The following ANO3 variants were observed in gnomAD, a reference collection of about 807,000 sequenced individuals.
ANO3 encodes anoctamin 3.
Under a neutral mutation model 144.8 loss-of-function variants are expected in ANO3, and 99 were observed. That is an observed-to-expected ratio of 0.68 (90% CI 0.58 to 0.81). ANO3 has a LOEUF of 0.81. ANO3 is among the 30% of genes least tolerant of loss of function. The probability of loss-of-function intolerance (pLI) is 0.00; values close to 1 mark genes in which losing one functional copy is unlikely to be tolerated. For synonymous variants in ANO3, 414 were observed against 392.6 expected, an observed-to-expected ratio of 1.05 and a Z score of -0.64; for missense variants, 905 against 1,202.2, an observed-to-expected ratio of 0.75 and a Z score of 3.66.
At chr11:26,332,440 A>T in intron 1 of ANO3, 119 bp downstream of exon 1, 3 of 765,848 alleles carry the variant, frequency 3.9e-6, no homozygotes, top group Non-Finnish European at 5.9e-6. Context: ...GAACTCTGTG[A>T]AGTTAAAAAA....
At chr11:26,648,519 A>G (rs1446993394) in intron 24 of ANO3, among the ~76,000 whole-genome samples, 2 of 152,168 alleles carry the variant, frequency 1.3e-5, no homozygotes, top group East Asian at 3.9e-4. Context: ...ACCACCCGGT[A>G]GATACCAATA....
At chr11:26,506,873 C>A (rs1362344720) in intron 4 of ANO3, among the ~76,000 whole-genome samples, 1 of 152,140 alleles carries the variant, frequency 6.6e-6, no homozygotes, top group Non-Finnish European at 1.5e-5. Context: ...ACTTCTTTCA[C>A]CTGGAGCTGC....
chr11:26,578,170 G>C (rs1049963166), intron 14 of ANO3, among the ~76,000 whole-genome samples: 1 of 152,158 alleles, frequency 6.6e-6, no homozygotes, highest in Non-Finnish European at 1.5e-5. Context: ...GTTGATAAGA[G>C]TTATATTAAG....
At chr11:26,191,325 T>A (rs943219622) in intron 1 of ANO3, among the ~76,000 whole-genome samples, 1 of 148,904 alleles carries the variant, frequency 6.7e-6, no homozygotes, top group Admixed American at 6.8e-5. Context: ...CACATATATA[T>A]ATACACACAT....
In ANO3 at chr11:26,217,491, C is replaced by T. The variant is rs534674627; in HGVS notation, c.154+28161C>T. ...GTTAGGTATACCACAAATAATGATTCGAGAGTCATAGAGAGAGATCATAAG... is the reference window on the plus strand; with the variant it reads ...GTTAGGTATACCACAAATAATGATTTGAGAGTCATAGAGAGAGATCATAAG... On this transcript the variant is annotated intron_variant, in intron 1 of 27. Coordinates refer to the ANO3 transcript ENST00000672621. 7.9e-5 allele frequency among the ~76,000 whole-genome samples: 12 copies of T among 151,922 alleles called. No individual in the cohort carries two copies. The East Asian group carries it at 2.1e-3, about 27-fold the overall frequency.
upstream of ANO3, among the ~76,000 whole-genome samples, chr11:26,329,320 A>C (rs1854974893): frequency 1.4e-5 from 1 of 73,776 alleles, no homozygotes; most frequent in Non-Finnish European, 3.5e-5. Context: ...ACACACACAC[A>C]CACACACAGA....
At chr11:26,260,963 A>G (rs1379794223) in intron 1 of ANO3, among the ~76,000 whole-genome samples, 1 of 152,190 alleles carries the variant, frequency 6.6e-6, no homozygotes, top group Non-Finnish European at 1.5e-5. Flanking sequence ...GCATGTGCAT[A>G]TCTAGAGAAT....
intron 11 of ANO3, among the ~76,000 whole-genome samples, chr11:26,542,608 C>G (rs443466): frequency 0.66 from 100,138 of 151,952 alleles, 33,272 homozygotes; most frequent in East Asian, 0.83. Context: ...TAAGAGCAAA[C>G]AGAAAAATGA....
intron 26 of ANO3, among the ~76,000 whole-genome samples, chr11:26,658,411 CAAGAGCA>C (rs375580068): frequency 1.0e-5 from 1 of 95,284 alleles, no homozygotes. Flanking sequence ...GTCAGGAGTT[CAAGAGCA>C]AAGAGCAACA....
At chr11:26,460,169 T>A (rs1211286356) in intron 3 of ANO3, 2 of 398,334 alleles carry the variant, frequency 5.0e-6, no homozygotes, top group Admixed American at 6.4e-5. Context: ...CATACTCTAA[T>A]ATTATTTGTT....
chr11:26,356,419 C>T (rs1052421312), intron 1 of ANO3, among the ~76,000 whole-genome samples: 1 of 152,134 alleles, frequency 6.6e-6, no homozygotes, highest in African/African-American at 2.4e-5. Flanking sequence ...TCTCTTATAT[C>T]TGCTAGGTGT....
chr11:26,462,672 T>C (rs1378166758), intron 3 of ANO3, among the ~76,000 whole-genome samples: 1 of 151,898 alleles, frequency 6.6e-6, no homozygotes, highest in Non-Finnish European at 1.5e-5. Context: ...TAAATGCTTG[T>C]ACAGTTCTTA....
At chr11:26,373,090 G>A (rs1161143298) in intron 1 of ANO3, among the ~76,000 whole-genome samples, 1 of 152,078 alleles carries the variant, frequency 6.6e-6, no homozygotes, top group African/African-American at 2.4e-5. Flanking sequence ...TGGCAATTAT[G>A]TATATACGGG....
At chr11:26,259,343 G>A (rs1162266768) in intron 1 of ANO3, among the ~76,000 whole-genome samples, 1 of 152,082 alleles carries the variant, frequency 6.6e-6, no homozygotes, top group Non-Finnish European at 1.5e-5. Flanking sequence ...AACAGAAAGG[G>A]AGGTGAATAG....
intron 1 of ANO3, among the ~76,000 whole-genome samples, chr11:26,417,701 A>C (rs1234209069): frequency 6.6e-6 from 1 of 150,888 alleles, no homozygotes. Context: ...GGTGAATGTA[A>C]AGTATTATGT....
intron 1 of ANO3, among the ~76,000 whole-genome samples, chr11:26,377,991 A>G (rs1449413694): frequency 6.6e-6 from 1 of 152,112 alleles, no homozygotes; most frequent in Non-Finnish European, 1.5e-5. Context: ...AATATGTACC[A>G]GGAAACACTA....
chr11:26,207,781 A>G (rs1564916793), intron 1 of ANO3, among the ~76,000 whole-genome samples: 1 of 150,330 alleles, frequency 6.7e-6, no homozygotes, highest in Non-Finnish European at 1.5e-5. Context: ...TAATAGGACA[A>G]CATTGAAATC....
intron 1 of ANO3, among the ~76,000 whole-genome samples, chr11:26,269,601 A>T (rs1213779203): frequency 1.3e-5 from 2 of 151,920 alleles, no homozygotes; most frequent in African/African-American, 4.8e-5. Context: ...CTTCATTTGG[A>T]CCTGCTGTCT....
chr11:26,525,207 C>T lies in ANO3; in HGVS notation c.693-428C>T, dbSNP rs191602607. 4.6e-5 allele frequency among the ~76,000 whole-genome samples: 7 copies of T among 152,048 alleles called. No individual in the cohort carries two copies. The East Asian group carries it at 1.4e-3, about 29-fold the overall frequency. On this transcript the variant is annotated intron_variant, in intron 6 of 26. Transcript: ENST00000256737. ...CTAAAGTTTTAGTGGTTATAACACT[C>T]CTTAGCAAATCAGAAGTATTTATTA...
Sources: allele counts gnomAD v4.1 joint callset (sites outside exome capture counted in the v4.1 genomes callset), GRCh38; gene constraint gnomAD v4.1.1; transcripts MANE v1.5; gene names NCBI Gene and HGNC (gene_info 2026-07-23, HGNC 2026-07-21).